RASGRF1: variants seen among roughly 807,000 people sequenced by gnomAD.
RASGRF1 encodes Ras protein specific guanine nucleotide releasing factor 1, also known as ras-specific guanine nucleotide-releasing factor 1.
Under a neutral mutation model 138.7 loss-of-function variants are expected in RASGRF1, and 40 were observed. That is an observed-to-expected ratio of 0.29 (90% CI 0.22 to 0.38). RASGRF1 has a LOEUF of 0.38. Ranked by LOEUF, RASGRF1 falls within the 10% of genes least tolerant of loss-of-function variation. The probability of loss-of-function intolerance (pLI) is 1.00; values close to 1 mark genes in which losing one functional copy is unlikely to be tolerated. For synonymous variants in RASGRF1, 614 were observed against 663.2 expected, an observed-to-expected ratio of 0.93 and a Z score of 1.14; for missense variants, 1,108 against 1,650.4, an observed-to-expected ratio of 0.67 and a Z score of 5.69.
intron 22 of RASGRF1, among the ~76,000 whole-genome samples, chr15:78,989,482 G>A (rs908849651): frequency 6.6e-6 from 1 of 151,466 alleles, no homozygotes; most frequent in Non-Finnish European, 1.5e-5. Context: ...TTAAACATTC[G>A]CTCAGCACTG....
intron 3 of RASGRF1, among the ~76,000 whole-genome samples, chr15:79,054,469 GTTC>G (rs2057483581): frequency 6.6e-6 from 1 of 152,166 alleles, no homozygotes; most frequent in Non-Finnish European, 1.5e-5. Flanking sequence ...AGATACTCTG[GTTC>G]TCTCTCTTCT....
chr15:78,972,026 C>T (rs576619345), intron 25 of RASGRF1, 92 bp from the exon 26 acceptor site: 43 of 1,089,076 alleles, frequency 3.9e-5, no homozygotes, highest in Non-Finnish European at 4.6e-5. Flanking sequence ...ACAACTAAAT[C>T]TGAAGTCAGC....
chr15:78,970,418 C>A (rs1010989995), intron 26 of RASGRF1, among the ~76,000 whole-genome samples: 1 of 152,064 alleles, frequency 6.6e-6, no homozygotes, highest in African/African-American at 2.4e-5. Flanking sequence ...TCTTACATGG[C>A]CTTGCAATCT....
intron 1 of RASGRF1, among the ~76,000 whole-genome samples, chr15:79,076,632 G>T (rs1388530462): frequency 6.6e-6 from 1 of 152,212 alleles, no homozygotes; most frequent in African/African-American, 2.4e-5. Context: ...CTCAGAGAAA[G>T]TGGCAAGAGG....
chr15:78,966,876 T>G (rs1343255731), intron 26 of RASGRF1, among the ~76,000 whole-genome samples: 1 of 152,168 alleles, frequency 6.6e-6, no homozygotes, highest in Non-Finnish European at 1.5e-5. Context: ...GAAAGTTTAG[T>G]ATGAATAAAA....
intron 12 of RASGRF1, among the ~76,000 whole-genome samples, chr15:79,015,671 C>A (rs2056868700): frequency 6.6e-6 from 1 of 152,226 alleles, no homozygotes; most frequent in Non-Finnish European, 1.5e-5. Context: ...GGGATAATGA[C>A]TTCTACCTCA....
At position 79,010,032 on chromosome 15, in the gene RASGRF1, G is replaced by GT. The variant is rs1002867378; in HGVS notation, c.1827-3599dup. Among the ~76,000 whole-genome samples the GT allele has an allele frequency of 6.3e-3, 813 of 128,742 alleles. 1 individual carries two copies. The highest frequency in any genetic ancestry group is 0.014 in the Middle Eastern group (3 of 214). The allele number at this position is 128,742 out of a possible 152,430, so 84.5% of individuals were successfully genotyped here. A position where few individuals can be genotyped will look rare whatever the true frequency, so the allele number is the denominator to read the frequency against. On this transcript the variant is annotated intron_variant, in intron 13 of 26. Transcript: ENST00000558480. ...GCCACTGCACCCAGCCTCTTTGTTT[G>GT]TTTTTTTTTTTTTTTCTTTTGAGAC... is the stretch of plus-strand genomic sequence containing the variant.
Position 78,973,572 on chromosome 15 carries a change from T to G in RASGRF1, c.3495-152A>C. 1 of 599,596 alleles carries G rather than the reference T, an allele frequency of 1.7e-6. No individual in the cohort carries two copies. Among genetic ancestry groups the G allele is most frequent in the South Asian group, 2.2e-5 (1 of 45,154 alleles). 37.1% of individuals were successfully genotyped at this position (599,596 alleles called of 1,614,324 possible). A position where few individuals can be genotyped will look rare whatever the true frequency, so the allele number is the denominator to read the frequency against. ...CACTACACTCTAGAACTGACTATTC[T>G]ACACGCCCAGGACTGTCGGCTGGGT... On this transcript the variant is annotated intron_variant, in intron 24 of 26. Coordinates refer to ENST00000558480, the MANE Select transcript of RASGRF1 (RefSeq NM_001145648.3). This position sits in a 1 kb window ranked among gnomAD's most constrained non-coding sequence, Gnocchi z 4.9.
At chr15:78,976,584 A>ACACACACACACACACC (rs145374777) in intron 24 of RASGRF1, among the ~76,000 whole-genome samples, 151 of 151,608 alleles carry the variant, frequency 1.0e-3, no homozygotes, top group African/African-American at 3.5e-3. Flanking sequence ...ACACACACAC[A>ACACACACACACACACC]CCCATCCGAA....
At chr15:78,964,267 C>G (rs1257943040) in intron 26 of RASGRF1, among the ~76,000 whole-genome samples, 1 of 152,098 alleles carries the variant, frequency 6.6e-6, no homozygotes, top group East Asian at 1.9e-4. Context: ...CTCCGCCTCC[C>G]GAGTTCAAGC....
In RASGRF1 at chr15:78,973,505, T is replaced by C. The variant is rs1596312583; in HGVS notation, c.3495-85A>G. Reference sequence around the variant, plus strand: ...AACAGAACATCCCGCATGCACCTTTTGCTTTGCTAGAGGCAAAGGGACTTG... The same window carrying C: ...AACAGAACATCCCGCATGCACCTTTCGCTTTGCTAGAGGCAAAGGGACTTG... On this transcript the variant is annotated intron_variant, in intron 24 of 26. Transcript: ENST00000558480. The surrounding 1 kb of genome is among the most constrained non-coding windows in gnomAD (Gnocchi z 4.9). The C allele has an allele frequency of 1.9e-6, 2 of 1,042,056 alleles. No homozygotes were observed. Among genetic ancestry groups the C allele is most frequent in the East Asian group, 4.8e-5 (2 of 41,576 alleles). 64.6% of individuals were successfully genotyped at this position (1,042,056 alleles called of 1,614,324 possible). A position where few individuals can be genotyped will look rare whatever the true frequency, so the allele number is the denominator to read the frequency against.
chr15:79,061,413 A>AAAATATATATATATATATAT (rs145875273), intron 2 of RASGRF1, among the ~76,000 whole-genome samples: 1 of 117,056 alleles, frequency 8.5e-6, no homozygotes, highest in Non-Finnish European at 1.7e-5. Flanking sequence ...CTATCTTTAA[A>AAAATATATATATATATATAT]ATATATATAT....
intron 1 of RASGRF1, among the ~76,000 whole-genome samples, chr15:79,087,909 C>G (rs895595552): frequency 2.0e-5 from 3 of 152,180 alleles, no homozygotes; most frequent in African/African-American, 7.2e-5. Flanking sequence ...ACTTTTAACC[C>G]GGTTCTGTTC....
At chr15:79,090,148 C>G in intron 1 of RASGRF1, 75 bp downstream of exon 1, 1 of 1,461,672 alleles carries the variant, frequency 6.8e-7, no homozygotes, top group Admixed American at 2.5e-5. Context: ...CAAGCGCCAT[C>G]AGCCAGCCGA....
chr15:78,971,478 G>A (rs2055759176), intron 26 of RASGRF1, among the ~76,000 whole-genome samples: 1 of 152,228 alleles, frequency 6.6e-6, no homozygotes, highest in Non-Finnish European at 1.5e-5. Context: ...CAAGAAACGG[G>A]CGGAAATGTT....
chr15:78,968,012 C>T (rs1216383513), intron 26 of RASGRF1, among the ~76,000 whole-genome samples: 1 of 152,014 alleles, frequency 6.6e-6, no homozygotes, highest in Non-Finnish European at 1.5e-5. Context: ...TTTTTAAAAT[C>T]CCAGATCTAA....
Position 79,059,111 on chromosome 15 carries a change from C to T in RASGRF1, c.384-630G>A, listed in dbSNP as rs565499211. ...CTCTTCCAACCCTCCCTCCATCCTCCTCTCCTTTCCTTTCCTCTCCTTCCT... is the reference window on the plus strand; with the variant it reads ...CTCTTCCAACCCTCCCTCCATCCTCTTCTCCTTTCCTTTCCTCTCCTTCCT... On this transcript the variant is annotated intron_variant, in intron 2 of 26. Coordinates refer to ENST00000558480, the MANE Select transcript of RASGRF1 (RefSeq NM_001145648.3). Among the ~76,000 whole-genome samples the T allele has an allele frequency of 3.9e-5, 6 of 152,120 alleles. No homozygotes were observed. In the East Asian group the frequency reaches 1.2e-3, roughly 30 times the overall value.
In RASGRF1 at chr15:79,090,436, C is replaced by T. The variant is rs1322560314; in HGVS notation, c.63G>A (p.Lys21=). ...TCAGGTAGCCTTTGCGCGTGCCGTC[C>T]TTGCGCGCCAGCAGTCCCAGGGACG... ...HVASLGLLAR[K]DGTRKGYLSK... is the part of the protein sequence containing the mutation. The change falls in exon 1 of 27, where the codon AAG becomes AAA. Residue 21 remains lysine, a synonymous_variant. Transcript: ENST00000558480. The T allele has an allele frequency of 5.0e-6, 8 of 1,613,104 alleles. No homozygotes were observed. In the South Asian group the frequency reaches 8.8e-5, roughly 18 times the overall value.
Position 79,006,926 on chromosome 15 carries a change from C to T in RASGRF1, c.1827-492G>A, listed in dbSNP as rs894779. On this transcript the variant is annotated intron_variant, in intron 13 of 26. Transcript: ENST00000558480. The surrounding 1 kb of genome is among the most constrained non-coding windows in gnomAD (Gnocchi z 4.0). ...ACTAGGGAGGCTGAGGCACAAGAAT[C>T]GCTTGAACCCTGGAGATGGAGGTTG... Among the ~76,000 whole-genome samples the T allele has an allele frequency of 0.51, 78,247 of 151,956 alleles. 20,863 individuals carry two copies. Among genetic ancestry groups the T allele is most frequent in the East Asian group, 0.88 (4,531 of 5,164 alleles).
Sources: allele counts gnomAD v4.1 joint callset (sites outside exome capture counted in the v4.1 genomes callset), GRCh38; gene constraint gnomAD v4.1.1; non-coding constraint Gnocchi (gnomAD v3.1); transcripts MANE v1.5; gene names NCBI Gene and HGNC (gene_info 2026-07-23, HGNC 2026-07-21).